The following TCAIM variants were observed in gnomAD, a reference collection of about 807,000 sequenced individuals.
The protein encoded by TCAIM is T-cell activation inhibitor, mitochondrial.
In TCAIM, 36 loss-of-function variants were observed where a neutral mutation model predicts 58.6. That is an observed-to-expected ratio of 0.61 (90% CI 0.47 to 0.81). TCAIM has a LOEUF of 0.81. Ranked by LOEUF, TCAIM falls within the 30% of genes least tolerant of loss-of-function variation. The probability of loss-of-function intolerance (pLI) is 0.00; values close to 1 mark genes in which losing one functional copy is unlikely to be tolerated. For missense variants in TCAIM, 466 were observed against 579.6 expected (o/e 0.80, Z 2.01); for synonymous variants, 172 against 193.6 (o/e 0.89, Z 0.93).
At chr3:44,340,661 A>G (rs1700837848) in intron 1 of TCAIM, 1 of 151,998 alleles carries the variant, frequency 6.6e-6, no homozygotes, top group Non-Finnish European at 1.5e-5. Flanking sequence ...CTTTGGTGAT[A>G]GAATCAGGAT....
intron 6 of TCAIM, among the ~76,000 whole-genome samples, chr3:44,393,525 T>C (rs1357762605): frequency 1.3e-5 from 2 of 152,212 alleles, no homozygotes; most frequent in Admixed American, 1.3e-4. Flanking sequence ...GTTTAAGTAC[T>C]GACATTTTTG....
intron 10 of TCAIM, among the ~76,000 whole-genome samples, chr3:44,405,412 G>T (rs984672207): frequency 2.0e-5 from 3 of 151,992 alleles, no homozygotes; most frequent in South Asian, 2.1e-4. Flanking sequence ...GTGGCTCACA[G>T]TTATAATCCC....
intron 4 of TCAIM, among the ~76,000 whole-genome samples, chr3:44,366,584 G>A (rs1701380460): frequency 6.7e-6 from 1 of 149,478 alleles, no homozygotes; most frequent in Non-Finnish European, 1.5e-5. Flanking sequence ...TCCTGCCTCA[G>A]CCTCCAGCTG....
rs202084585 is a variant in TCAIM, at chr3:44,354,737, A to G, written c.-44-2A>G. 37 of 1,592,572 alleles carry G rather than the reference A, an allele frequency of 2.3e-5. No homozygotes were observed. Among genetic ancestry groups the G allele is most frequent in the Non-Finnish European group, 3.2e-5 (37 of 1,172,618 alleles). On this transcript the variant is annotated splice_acceptor_variant, in intron 1 of 10. Coordinates refer to ENST00000342649, the MANE Select transcript of TCAIM (RefSeq NM_173826.4). LOFTEE classifies it low-confidence loss of function (5UTR_SPLICE). ...ATTTGTGATATCTGCTTAACTTTTA[A>G]GCAATTAATGGATGCCTCGAAGTTG...
At chr3:44,343,875 A>T (rs1159088075) in intron 1 of TCAIM, among the ~76,000 whole-genome samples, 1 of 152,152 alleles carries the variant, frequency 6.6e-6, no homozygotes, top group Non-Finnish European at 1.5e-5. Context: ...CTAAGCACTA[A>T]TGTCCTTTAT....
chr3:44,405,566 G>A (rs943347142), intron 10 of TCAIM, among the ~76,000 whole-genome samples: 2 of 152,098 alleles, frequency 1.3e-5, no homozygotes, highest in Non-Finnish European at 2.9e-5. Flanking sequence ...TCAGCTACTT[G>A]GGAAGCTGAG....
chr3:44,376,423 A>G (rs1009618424), intron 5 of TCAIM, among the ~76,000 whole-genome samples: 1 of 152,214 alleles, frequency 6.6e-6, no homozygotes, highest in Non-Finnish European at 1.5e-5. Flanking sequence ...TTGTGGTAAC[A>G]ACTGAAAGAG....
chr3:44,371,621 C>A (rs1489062895), intron 5 of TCAIM, among the ~76,000 whole-genome samples: 9 of 152,140 alleles, frequency 5.9e-5, no homozygotes, highest in Non-Finnish European at 1.2e-4. Context: ...TACCTGTACT[C>A]ATCTGAAAGG....
chr3:44,350,595 CT>C (rs933375340), intron 1 of TCAIM, among the ~76,000 whole-genome samples: 3 of 151,992 alleles, frequency 2.0e-5, no homozygotes, highest in African/African-American at 7.2e-5. Flanking sequence ...TACCCAGCTA[CT>C]TTTTTGTTTT....
In TCAIM at chr3:44,394,952, A is replaced by G. The variant is rs1337645818; in HGVS notation, c.696-1448A>G. Reference sequence around the variant, plus strand: ...TATATATATATATATATATATATATATATATATGTATATATCCCACATAAA... The same window carrying G: ...TATATATATATATATATATATATATGTATATATGTATATATCCCACATAAA... On this transcript the variant is annotated intron_variant, in intron 6 of 10. Transcript: ENST00000342649. Among the ~76,000 whole-genome samples the G allele has an allele frequency of 2.1e-4, 23 of 108,644 alleles. No individual in the cohort carries two copies. The East Asian group carries it at 6.1e-3, about 29-fold the overall frequency. The allele number at this position is 108,644 out of a possible 152,430, so 71.3% of individuals were successfully genotyped here.
In TCAIM at chr3:44,361,424, A is replaced by G. The variant is rs1701293792; in HGVS notation, c.225A>G (p.Pro75=). 1 of 1,613,182 alleles carries G rather than the reference A, an allele frequency of 6.2e-7. No homozygotes were observed. The highest frequency in any genetic ancestry group is 8.5e-7 in the Non-Finnish European group (1 of 1,179,624). The change falls in exon 4 of 11, where the codon CCA becomes CCG. Residue 75 remains proline, a synonymous_variant. Transcript: ENST00000342649. ...LSVYLENLQK[P]GFKSLKPTQL... ...TCTACCTAGAAAACCTCCAGAAACC[A>G]GGCTTCAAGTCTTTGAAACCAACTC...
At chr3:44,372,770 ATT>A (rs1701500779) in intron 5 of TCAIM, among the ~76,000 whole-genome samples, 1 of 151,676 alleles carries the variant, frequency 6.6e-6, no homozygotes, top group Non-Finnish European at 1.5e-5. Context: ...ATTTTTTTGT[ATT>A]TTTAGTAGAG....
At chr3:44,385,064 A>G (rs189868771) in intron 5 of TCAIM, among the ~76,000 whole-genome samples, 47 of 152,216 alleles carry the variant, frequency 3.1e-4, no homozygotes, top group African/African-American at 1.1e-3. Flanking sequence ...AGCCCAGCCA[A>G]TGTATTATAA....
Position 44,408,598 on chromosome 3 carries a change from A to C in TCAIM, c.*916A>C, listed in dbSNP as rs1178555424. On this transcript the variant is annotated 3_prime_UTR_variant, in exon 11 of 11. Transcript: ENST00000342649. ...GGAAATGTTTTTTAATCATTTAGTG[A>C]GGTGATTCATTTGTTTCATGGGCAA... is the stretch of plus-strand genomic sequence containing the variant. 1 of 152,142 alleles carries C rather than the reference A, an allele frequency of 6.6e-6. No individual in the cohort carries two copies. The highest frequency in any genetic ancestry group is 1.9e-4 in the East Asian group (1 of 5,194). The allele number at this position is 152,142 out of a possible 1,614,324, so 9.4% of individuals were successfully genotyped here.
At chr3:44,372,009 AGAAGGAAGGAAG>A (rs568035350) in intron 5 of TCAIM, among the ~76,000 whole-genome samples, 19,461 of 115,348 alleles carry the variant, frequency 0.17, 1,707 homozygotes, top group Middle Eastern at 0.2. Context: ...AGAGAAAGAG[AGAAGGAAGGAAG>A]GAAGGAAGGA....
intron 1 of TCAIM, among the ~76,000 whole-genome samples, chr3:44,345,816 G>A (rs1477123513): frequency 6.6e-6 from 1 of 152,216 alleles, no homozygotes; most frequent in African/African-American, 2.4e-5. Flanking sequence ...CTTAAGGGTG[G>A]TGGTTTGAGG....
chr3:44,401,295 A>G lies in TCAIM; in HGVS notation c.1211A>G (p.Lys404Arg). The change falls in exon 10 of 11, where the codon AAA becomes AGA. Residue 404 changes from lysine to arginine, a missense_variant. By Grantham distance (26) the Lys-to-Arg change is conservative (BLOSUM62 2). Transcript: ENST00000342649. ...PANLQWFILT[K>R]AQQARENMKR... ...AATCTCCAGTGGTTTATTCTCACCA[A>G]AGCTCAGCAGGCAAGAGAGAACATG... The G allele has an allele frequency of 6.2e-7, 1 of 1,614,062 alleles. No homozygotes were observed. The highest frequency in any genetic ancestry group is 8.5e-7 in the Non-Finnish European group (1 of 1,179,998).
In TCAIM at chr3:44,361,346, C is replaced by T. The variant is rs779929954; in HGVS notation, c.166-19C>T. The T allele has an allele frequency of 1.3e-6, 2 of 1,582,690 alleles. No individual in the cohort carries two copies. The highest frequency in any genetic ancestry group is 1.9e-5 in the Admixed American group (1 of 53,992). On this transcript the variant is annotated intron_variant, in intron 3 of 10. Coordinates refer to ENST00000342649, the MANE Select transcript of TCAIM (RefSeq NM_173826.4). ...CTTGTTCTATTTTGTATGTAAATGC[C>T]CTTAATGTTTTTTTCCAGGAAATCA...
chr3:44,360,809 C>T (rs7645131), intron 3 of TCAIM, among the ~76,000 whole-genome samples: 131,715 of 152,062 alleles, frequency 0.87, 57,449 homozygotes, highest in East Asian at 1. Context: ...TTTCACCATG[C>T]TGCCCGGGCT....
Sources: allele counts gnomAD v4.1 joint callset (sites outside exome capture counted in the v4.1 genomes callset), GRCh38; gene constraint gnomAD v4.1.1; transcripts MANE v1.5; gene names NCBI Gene and HGNC (gene_info 2026-07-23, HGNC 2026-07-21).